Variants in UHRF2 observed in about 807,000 individuals in gnomAD.
UHRF2 encodes the protein E3 ubiquitin-protein ligase UHRF2.
UHRF2 carries 23 observed loss-of-function variants against 96.8 expected under a neutral mutation model. That is an observed-to-expected ratio of 0.24 (90% CI 0.17 to 0.34). The LOEUF is 0.34. Ranked by LOEUF, UHRF2 falls within the 10% of genes least tolerant of loss-of-function variation. The pLI, the probability that UHRF2 is intolerant of heterozygous loss-of-function variation, is 1.00. For missense variants in UHRF2, 685 were observed against 981.5 expected (o/e 0.70, Z 4.04); for synonymous variants, 385 against 332.6 (o/e 1.16, Z -1.72).
At chr9:6,476,252 A>G (rs1342231749) in intron 5 of UHRF2, among the ~76,000 whole-genome samples, 1 of 152,196 alleles carries the variant, frequency 6.6e-6, no homozygotes, top group African/African-American at 2.4e-5. Context: ...TTGTATATGT[A>G]TATACCATAT....
At chr9:6,469,903 C>G (rs1377320909) in intron 4 of UHRF2, among the ~76,000 whole-genome samples, 1 of 151,788 alleles carries the variant, frequency 6.6e-6, no homozygotes. Flanking sequence ...GATACAAGTT[C>G]AGGTCAAAGA....
At chr9:6,458,010 T>A (rs7874061) in intron 3 of UHRF2, among the ~76,000 whole-genome samples, 4,026 of 152,280 alleles carry the variant, frequency 0.026, 185 homozygotes, top group African/African-American at 0.093. Context: ...ATCAGGATGA[T>A]GTTGGCCTCA....
intron 14 of UHRF2, among the ~76,000 whole-genome samples, chr9:6,502,501 T>A (rs2130974759): frequency 6.6e-6 from 1 of 152,362 alleles, no homozygotes; most frequent in South Asian, 2.1e-4. Context: ...TTGCCCAGAC[T>A]GATCTCAAAC....
chr9:6,506,784 T>C lies in UHRF2; in HGVS notation c.*605T>C, dbSNP rs1360411646. 6.5e-6 allele frequency: 1 copy of C among 152,712 alleles called. No homozygotes were observed. Among genetic ancestry groups the C allele is most frequent in the African/African-American group, 2.4e-5 (1 of 41,464 alleles). 9.5% of individuals were successfully genotyped at this position (152,712 alleles called of 1,614,324 possible). ...TACTAATGACTAATGAGAACAATAA[T>C]GAATGCATTGTTGCTGCATTAGTGT... On this transcript the variant is annotated 3_prime_UTR_variant, in exon 16 of 16. Coordinates refer to ENST00000276893, the MANE Select transcript of UHRF2 (RefSeq NM_152896.3).
intron 3 of UHRF2, among the ~76,000 whole-genome samples, chr9:6,458,225 C>T (rs1462446779): frequency 6.6e-6 from 1 of 152,018 alleles, no homozygotes; most frequent in African/African-American, 2.4e-5. Flanking sequence ...TTCCTGGTTT[C>T]GTCTTGGGAG....
intron 8 of UHRF2, among the ~76,000 whole-genome samples, chr9:6,483,529 A>G (rs1406158571): frequency 6.6e-6 from 1 of 152,164 alleles, no homozygotes; most frequent in African/African-American, 2.4e-5. Context: ...GTACAGACAC[A>G]GCCGTCTGTT....
At chr9:6,496,391 G>A (rs1378022327) in intron 10 of UHRF2, 3 of 152,004 alleles carry the variant, frequency 2.0e-5, no homozygotes, top group African/African-American at 7.2e-5. Context: ...ACAGATTTTG[G>A]TACAACTAGG....
At chr9:6,475,340 A>G (rs1260030096) in intron 4 of UHRF2, 51 bp from the exon 5 acceptor site, 2 of 1,149,444 alleles carry the variant, frequency 1.7e-6, no homozygotes, top group Admixed American at 2.5e-5. Flanking sequence ...TTATTTGTAT[A>G]TACCTTAGAT....
intron 4 of UHRF2, among the ~76,000 whole-genome samples, chr9:6,475,162 T>A (rs1823489211): frequency 6.6e-6 from 1 of 152,192 alleles, no homozygotes; most frequent in East Asian, 1.9e-4. Flanking sequence ...CTTACCAGAT[T>A]ATCTAATGAA....
At position 6,465,367 on chromosome 9, in the gene UHRF2, G is replaced by A. The variant is rs538897938; in HGVS notation, c.863+4576G>A. Among the ~76,000 whole-genome samples, 6 of 151,970 alleles carry A rather than the reference G, an allele frequency of 3.9e-5. No individual in the cohort carries two copies. The South Asian group carries it at 8.3e-4, about 21-fold the overall frequency. On this transcript the variant is annotated intron_variant, in intron 4 of 15. Transcript: ENST00000276893. ...TTGGAATCTTCTTTTTCTTTCTTAC[G>A]GTAGAGTTTTGTGTCCTTGTCTTGA...
intron 3 of UHRF2, among the ~76,000 whole-genome samples, chr9:6,455,221 G>A (rs1420324889): frequency 1.3e-5 from 2 of 152,186 alleles, no homozygotes; most frequent in Non-Finnish European, 2.9e-5. Flanking sequence ...CATGTGCCAT[G>A]TTGGTGTGCT....
intron 9 of UHRF2, among the ~76,000 whole-genome samples, chr9:6,493,326 G>A (rs1045344563): frequency 3.3e-5 from 5 of 152,166 alleles, no homozygotes; most frequent in East Asian, 1.9e-4. Context: ...GAAGTTTTTA[G>A]GTAAATTTGC....
chr9:6,429,878 A>G (rs1460318844), intron 2 of UHRF2, among the ~76,000 whole-genome samples: 1 of 152,208 alleles, frequency 6.6e-6, no homozygotes, highest in Non-Finnish European at 1.5e-5. Context: ...CTGCAAAACA[A>G]ATGGTACCTA....
chr9:6,504,043 T>TA (rs1157125407), intron 14 of UHRF2, among the ~76,000 whole-genome samples: 2 of 140,298 alleles, frequency 1.4e-5, no homozygotes, highest in Admixed American at 7.3e-5. Flanking sequence ...TTTTTTTTTT[T>TA]AAGACCGAGT....
chr9:6,417,692 C>G (rs1819686461), intron 1 of UHRF2, among the ~76,000 whole-genome samples: 1 of 152,148 alleles, frequency 6.6e-6, no homozygotes, highest in Non-Finnish European at 1.5e-5. Flanking sequence ...AAAAGCCTGT[C>G]ATAGCAAGCA....
At chr9:6,503,206 G>A (rs1363398797) in intron 14 of UHRF2, among the ~76,000 whole-genome samples, 1 of 152,068 alleles carries the variant, frequency 6.6e-6, no homozygotes, top group African/African-American at 2.4e-5. Flanking sequence ...ATGTTGGCCA[G>A]GTTGGTCTAG....
At chr9:6,453,808 G>A (rs1214294132) in intron 3 of UHRF2, among the ~76,000 whole-genome samples, 1 of 152,150 alleles carries the variant, frequency 6.6e-6, no homozygotes, top group African/African-American at 2.4e-5. Context: ...GGGAGGCTGA[G>A]GCAGGAGAAT....
At chr9:6,459,641 C>T (rs1016445464) in intron 3 of UHRF2, among the ~76,000 whole-genome samples, 8 of 152,172 alleles carry the variant, frequency 5.3e-5, no homozygotes, top group African/African-American at 1.9e-4. Context: ...TGCACTCCAG[C>T]CTGGCTGACA....
At chr9:6,489,554 T>G (rs1428368907) in intron 9 of UHRF2, among the ~76,000 whole-genome samples, 1 of 152,226 alleles carries the variant, frequency 6.6e-6, no homozygotes, top group Non-Finnish European at 1.5e-5. Context: ...TGATCCAGTT[T>G]CTCTGCATCT....
Sources: gnomAD v4.1 joint callset for allele counts (sites outside exome capture counted in the v4.1 genomes callset) on GRCh38, gnomAD v4.1.1 for gene constraint, MANE v1.5 for transcripts, NCBI Gene and HGNC (gene_info 2026-07-23, HGNC 2026-07-21) for gene names.